COX7B2: variants seen among roughly 807,000 people sequenced by gnomAD.
COX7B2 encodes cytochrome c oxidase subunit 7B2.
For missense variants in COX7B2, 109 were observed against 95.9 expected (o/e 1.14, Z -0.57); for synonymous variants, 37 against 32.1 (o/e 1.15, Z -0.51).
intron 1 of COX7B2, among the ~76,000 whole-genome samples, chr4:46,865,102 C>A (rs144768129): frequency 1.3e-5 from 2 of 152,178 alleles, no homozygotes; most frequent in African/African-American, 4.8e-5. Flanking sequence ...ATCTCTAGCA[C>A]CTCTTCTACT....
chr4:46,738,761 T>C (rs1714523844), intron 2 of COX7B2, among the ~76,000 whole-genome samples: 1 of 152,070 alleles, frequency 6.6e-6, no homozygotes, highest in Non-Finnish European at 1.5e-5. Context: ...AAGTAGATCT[T>C]TCTGACAAAA....
intron 1 of COX7B2, among the ~76,000 whole-genome samples, chr4:46,868,396 C>A (rs1385183052): frequency 6.6e-6 from 1 of 152,064 alleles, no homozygotes; most frequent in Non-Finnish European, 1.5e-5. Flanking sequence ...ATTATTATTT[C>A]TTATCTTCTG....
chr4:46,901,935 A>G (rs1720090558), intron 1 of COX7B2, among the ~76,000 whole-genome samples: 1 of 152,150 alleles, frequency 6.6e-6, no homozygotes, highest in Non-Finnish European at 1.5e-5. Flanking sequence ...GAATAACACT[A>G]TCAGCTTTCT....
chr4:46,757,379 A>G (rs12503933), intron 2 of COX7B2, among the ~76,000 whole-genome samples: 47,563 of 151,118 alleles, frequency 0.31, 7,849 homozygotes, highest in South Asian at 0.47. Flanking sequence ...TATTCTGGTG[A>G]TGGATGCACT....
At chr4:46,748,334 A>G (rs1715146356) in intron 2 of COX7B2, among the ~76,000 whole-genome samples, 4 of 152,358 alleles carry the variant, frequency 2.6e-5, no homozygotes, top group South Asian at 2.1e-4. Flanking sequence ...TACCCTACAT[A>G]AAACATTATT....
rs11736008 is a variant in COX7B2, at chr4:46,734,836, A to G, written c.*111T>C. The G allele has an allele frequency of 1.4e-5, 19 of 1,310,752 alleles. No individual in the cohort carries two copies. In the Admixed American group the frequency reaches 2.7e-4, roughly 19 times the overall value. 81.2% of individuals were successfully genotyped at this position (1,310,752 alleles called of 1,614,324 possible). A position where few individuals can be genotyped will look rare whatever the true frequency, so the allele number is the denominator to read the frequency against. On this transcript the variant is annotated 3_prime_UTR_variant, in exon 3 of 3. Transcript: ENST00000355591. ...GACCATTTGCAATGACTTTTTAAAG[A>G]TTTAAAACACATTTTATTTTTTCAA...
chr4:46,854,153 A>G (rs1210223346), intron 1 of COX7B2, among the ~76,000 whole-genome samples: 1 of 152,190 alleles, frequency 6.6e-6, no homozygotes, highest in Non-Finnish European at 1.5e-5. Context: ...CTATATTAAC[A>G]TATGCATCAA....
At chr4:46,843,775 T>C (rs1205073998) in intron 2 of COX7B2, among the ~76,000 whole-genome samples, 1 of 152,010 alleles carries the variant, frequency 6.6e-6, no homozygotes, top group African/African-American at 2.4e-5. Context: ...ATAATTGCAA[T>C]TATCAAATAT....
chr4:46,753,124 C>A (rs1462256146), intron 2 of COX7B2, among the ~76,000 whole-genome samples: 4 of 152,222 alleles, frequency 2.6e-5, no homozygotes, highest in Admixed American at 6.6e-5. Flanking sequence ...AGAGATTCAA[C>A]TTCTTCCTGG....
intron 2 of COX7B2, among the ~76,000 whole-genome samples, chr4:46,782,660 A>T (rs905622805): frequency 2.6e-5 from 4 of 152,276 alleles, no homozygotes; most frequent in African/African-American, 9.6e-5. Flanking sequence ...GGTCTGCGCC[A>T]CTTTTAAGAG....
intron 2 of COX7B2, among the ~76,000 whole-genome samples, chr4:46,751,068 T>C (rs1378776043): frequency 6.6e-6 from 1 of 152,206 alleles, no homozygotes; most frequent in East Asian, 1.9e-4. Context: ...ACAAATCTCC[T>C]ATTCACTTTC....
intron 1 of COX7B2, among the ~76,000 whole-genome samples, chr4:46,904,247 A>T (rs1268740312): frequency 6.6e-6 from 1 of 152,174 alleles, no homozygotes; most frequent in Non-Finnish European, 1.5e-5. Context: ...AAGAAAAATC[A>T]GGGTCAAAAG....
intron 1 of COX7B2, among the ~76,000 whole-genome samples, chr4:46,886,751 T>A (rs961885166): frequency 6.6e-6 from 1 of 152,190 alleles, no homozygotes; most frequent in Non-Finnish European, 1.5e-5. Context: ...AAACATGAAT[T>A]TTTTTCTCAA....
At chr4:46,808,411 C>G (rs984389438) in intron 2 of COX7B2, among the ~76,000 whole-genome samples, 13 of 151,642 alleles carry the variant, frequency 8.6e-5, no homozygotes, top group African/African-American at 2.9e-4. Context: ...TTTATTAGTT[C>G]TATGAGTTTT....
chr4:46,821,952 G>A lies in COX7B2; in HGVS notation c.-50+23008C>T, dbSNP rs368991218. ...TTTTGAGACGGAGTCTCACTCTGTC[G>A]CCAGGCTAGAGTGCAGTGGCGCAAT... is the stretch of plus-strand genomic sequence containing the variant. On this transcript the variant is annotated intron_variant, in intron 2 of 2. Transcript: ENST00000355591. Among the ~76,000 whole-genome samples, 29 of 151,992 alleles carry A rather than the reference G, an allele frequency of 1.9e-4. 1 individual carries two copies. Among genetic ancestry groups the A allele is most frequent in the African/African-American group, 5.3e-4 (22 of 41,382 alleles).
chr4:46,810,270 A>G (rs1719221649), intron 2 of COX7B2, among the ~76,000 whole-genome samples: 1 of 152,048 alleles, frequency 6.6e-6, no homozygotes, highest in Non-Finnish European at 1.5e-5. Flanking sequence ...TTTACATTCA[A>G]GGTTGTTACT....
intron 1 of COX7B2, among the ~76,000 whole-genome samples, chr4:46,852,274 G>A (rs1027359958): frequency 6.6e-6 from 1 of 152,046 alleles, no homozygotes; most frequent in Non-Finnish European, 1.5e-5. Flanking sequence ...TGTTCATTAG[G>A]AGCTCCTTCA....
At chr4:46,746,198 G>C (rs1715013933) in intron 2 of COX7B2, among the ~76,000 whole-genome samples, 1 of 152,194 alleles carries the variant, frequency 6.6e-6, no homozygotes, top group African/African-American at 2.4e-5. Flanking sequence ...TTGGTCACTG[G>C]CCATTCATGA....
intron 2 of COX7B2, among the ~76,000 whole-genome samples, chr4:46,762,446 T>C (rs1716237708): frequency 7.3e-6 from 1 of 137,542 alleles, no homozygotes; most frequent in African/African-American, 2.7e-5. Context: ...ATACTGTATA[T>C]ATATACTATA....
Sources: allele counts gnomAD v4.1 joint callset (sites outside exome capture counted in the v4.1 genomes callset), GRCh38; gene constraint gnomAD v4.1.1; transcripts MANE v1.5; gene names NCBI Gene and HGNC (gene_info 2026-07-23, HGNC 2026-07-21).